CRYZL1: variants seen among roughly 807,000 people sequenced by gnomAD.
CRYZL1 encodes crystallin zeta like 1.
CRYZL1 carries 34 observed loss-of-function variants against 50.6 expected under a neutral mutation model. The observed-to-expected ratio is 0.67, with a 90% confidence interval of 0.51 to 0.89. The LOEUF (loss-of-function observed/expected upper bound fraction) is 0.89. CRYZL1 is among the 40% of genes least tolerant of loss of function. The pLI is 0.00. For synonymous variants in CRYZL1, 125 were observed against 134.3 expected (o/e 0.93, Z 0.48); for missense variants, 354 against 402.3 (o/e 0.88, Z 1.03).
At chr21:33,596,112 A>C (rs2086690630) in intron 10 of CRYZL1, 2 of 588,908 alleles carry the variant, frequency 3.4e-6, no homozygotes, top group Non-Finnish European at 6.5e-6. Context: ...GGCCATCTTC[A>C]TGAGGGTGTT....
intron 10 of CRYZL1, among the ~76,000 whole-genome samples, 173 bp downstream of exon 10, chr21:33,597,107 T>G (rs932692494): frequency 2.6e-5 from 4 of 152,060 alleles, no homozygotes; most frequent in African/African-American, 9.7e-5. Context: ...TGGCCTCAAG[T>G]GATCCGCCCG....
At position 33,621,983 on chromosome 21, in the gene CRYZL1, T is replaced by C; in HGVS notation, c.217+13A>G. 1 of 1,566,920 alleles carries C rather than the reference T, an allele frequency of 6.4e-7. No individual in the cohort carries two copies. The highest frequency in any genetic ancestry group is 2.2e-5 in the East Asian group (1 of 44,478). ...TAGAAAATAAATACATATACTCACA[T>C]CTGTATACTTACCATCTAATACAAT... On this transcript the variant is annotated intron_variant, in intron 4 of 12. Transcript: ENST00000381554.
intron 10 of CRYZL1, among the ~76,000 whole-genome samples, 168 bp downstream of exon 10, chr21:33,597,112 C>T (rs1341669690): frequency 6.6e-6 from 1 of 152,070 alleles, no homozygotes; most frequent in Non-Finnish European, 1.5e-5. Flanking sequence ...TCAAGTGATC[C>T]GCCCGCCGCG....
In CRYZL1 at chr21:33,601,433, C is replaced by T. The variant is rs150310092; in HGVS notation, c.577+801G>A. Among the ~76,000 whole-genome samples the T allele has an allele frequency of 2.0e-5, 3 of 152,136 alleles. No individual in the cohort carries two copies. In the East Asian group the frequency reaches 5.8e-4, roughly 29 times the overall value. ...TCCAGTCCTTTACTAGGTGTATATC[C>T]TTGGAGAAGCTAGTTCTCTGAGGCT... On this transcript the variant is annotated intron_variant, in intron 8 of 12. Transcript: ENST00000381554.
chr21:33,613,208 A>C (rs750431667), intron 6 of CRYZL1, among the ~76,000 whole-genome samples: 2 of 152,194 alleles, frequency 1.3e-5, no homozygotes, highest in Admixed American at 6.6e-5. Flanking sequence ...TTCAGTCAAT[A>C]ACCAAGAGTA....
rs766570239 is a variant in CRYZL1 at position 33,591,158 on chromosome 21, G to A, written c.950+4C>T. 31 of 1,599,988 alleles carry A rather than the reference G, an allele frequency of 1.9e-5. No individual in the cohort carries two copies. The highest frequency in any genetic ancestry group is 1.2e-4 in the South Asian group (11 of 90,790). Reference sequence around the variant, plus strand: ...AGAACAATGATTTGGTTACTTTAGCGTACCTGAAAACACCAGTTGATAACT... The same window carrying A: ...AGAACAATGATTTGGTTACTTTAGCATACCTGAAAACACCAGTTGATAACT... On this transcript the variant is annotated splice_donor_region_variant and intron_variant, in intron 12 of 12. Transcript: ENST00000381554.
At chr21:33,628,695 G>A (rs376484822) in intron 2 of CRYZL1, among the ~76,000 whole-genome samples, 5 of 150,980 alleles carry the variant, frequency 3.3e-5, no homozygotes, top group Middle Eastern at 3.4e-3. Context: ...TTGACCTCCT[G>A]GGCTCAAGTG....
chr21:33,639,991 A>C, intron 1 of CRYZL1: 3 of 546,358 alleles, frequency 5.5e-6, no homozygotes, highest in Non-Finnish European at 9.1e-6. Flanking sequence ...ATGCCCGGCT[A>C]ATTTCTGTAT....
intron 6 of CRYZL1, among the ~76,000 whole-genome samples, chr21:33,609,184 C>A (rs983644801): frequency 6.6e-6 from 1 of 151,896 alleles, no homozygotes; most frequent in Admixed American, 6.6e-5. Context: ...TTTTTTTCTT[C>A]TTGCTGTTTT....
At chr21:33,631,184 A>G (rs1231829102) in intron 2 of CRYZL1, among the ~76,000 whole-genome samples, 2 of 152,234 alleles carry the variant, frequency 1.3e-5, no homozygotes, top group Non-Finnish European at 2.9e-5. Flanking sequence ...TTACTGATAG[A>G]TATGCTAATT....
rs972334313 is a variant in CRYZL1 at position 33,617,790 on chromosome 21, C to T, written c.218-1040G>A. Among the ~76,000 whole-genome samples, 4 of 152,102 alleles carry T rather than the reference C, an allele frequency of 2.6e-5. No homozygotes were observed. The East Asian group carries it at 5.8e-4, about 22-fold the overall frequency. The stretch of plus-strand genomic sequence containing the variant: ...TAACACAACCGGTTAGGACAGGGGT[C>T]GATCTTTAACCAGGCCCAGGGCGTG... On this transcript the variant is annotated intron_variant, in intron 4 of 12. Coordinates refer to ENST00000381554, the MANE Select transcript of CRYZL1 (RefSeq NM_145858.3).
At chr21:33,595,509 C>G in intron 11 of CRYZL1, 1 of 1,278,598 alleles carries the variant, frequency 7.8e-7, no homozygotes, top group Admixed American at 2.1e-5. Context: ...ATCAACATCT[C>G]TGTGCTTCTG....
intron 4 of CRYZL1, 104 bp from the exon 5 acceptor site, chr21:33,616,854 A>G: frequency 2.8e-6 from 3 of 1,076,700 alleles, no homozygotes; most frequent in Non-Finnish European, 3.8e-6. Context: ...AAAAAGACTG[A>G]TTTTGTTTAA....
chr21:33,593,443 T>G (rs566604121), intron 11 of CRYZL1, among the ~76,000 whole-genome samples: 7 of 152,142 alleles, frequency 4.6e-5, no homozygotes, highest in African/African-American at 1.7e-4. Flanking sequence ...GAATATAAAT[T>G]TACTAATTCA....
intron 11 of CRYZL1, 88 bp downstream of exon 11, chr21:33,595,643 C>T (rs1325546677): frequency 6.4e-7 from 1 of 1,563,600 alleles, no homozygotes; most frequent in Admixed American, 1.8e-5. Context: ...AACTTAACTG[C>T]TATTATTATT....
intron 4 of CRYZL1, chr21:33,616,953 A>AC: frequency 1.3e-5 from 5 of 373,078 alleles, no homozygotes; most frequent in Non-Finnish European, 2.4e-5. Flanking sequence ...GATTCTCTAG[A>AC]TATTTGGGCC....
chr21:33,612,658 C>T (rs570984633), intron 6 of CRYZL1, among the ~76,000 whole-genome samples: 2 of 152,256 alleles, frequency 1.3e-5, no homozygotes, highest in Admixed American at 6.5e-5. Context: ...GTTTTAATTG[C>T]TTTCCCCTGA....
chr21:33,625,392 T>C (rs1246159916), intron 2 of CRYZL1, among the ~76,000 whole-genome samples: 2 of 152,158 alleles, frequency 1.3e-5, no homozygotes, highest in Non-Finnish European at 2.9e-5. Flanking sequence ...CCTGACCTTG[T>C]GATCCGCCCG....
chr21:33,637,710 C>T (rs1278967122), intron 1 of CRYZL1, among the ~76,000 whole-genome samples: 1 of 149,284 alleles, frequency 6.7e-6, no homozygotes, highest in Non-Finnish European at 1.5e-5. Flanking sequence ...AACCTACCTT[C>T]ATTTTTAAGG....
Sources: allele counts gnomAD v4.1 joint callset (sites outside exome capture counted in the v4.1 genomes callset), GRCh38; gene constraint gnomAD v4.1.1; transcripts MANE v1.5; gene names NCBI Gene and HGNC (gene_info 2026-07-23, HGNC 2026-07-21).